A1CF: variants seen among roughly 807,000 people sequenced by gnomAD.
A1CF encodes the protein APOBEC-1 stimulating protein.
In A1CF, 48 loss-of-function variants were observed where a neutral mutation model predicts 68.9. The observed-to-expected ratio is 0.70, with a 90% CI of 0.55 to 0.89. The LOEUF (loss-of-function observed/expected upper bound fraction) is 0.89. Ranked by LOEUF, A1CF falls within the 40% of genes least tolerant of loss-of-function variation. The pLI is 0.00. For missense variants in A1CF, 653 were observed against 718.9 expected (o/e 0.91, Z 1.05); for synonymous variants, 272 against 260.4 (o/e 1.04, Z -0.43).
At chr10:50,841,101 C>G (rs1839753409) in intron 5 of A1CF, among the ~76,000 whole-genome samples, 1 of 152,198 alleles carries the variant, frequency 6.6e-6, no homozygotes, top group Admixed American at 6.5e-5. Context: ...ACATTCTCAA[C>G]CAAACAGCAG....
In A1CF at chr10:50,799,980, C is replaced by G. The variant is rs1459317160; in HGVS notation, c.*6749G>C. On this transcript the variant is annotated 3_prime_UTR_variant, in exon 13 of 13. Transcript: ENST00000373997. Reference sequence around the variant, plus strand: ...TAGATTTATCTGTAGTCTGTGTGCCCAAAGATATCTTAGGAATTATAAAGA... The same window carrying G: ...TAGATTTATCTGTAGTCTGTGTGCCGAAAGATATCTTAGGAATTATAAAGA... The G allele has an allele frequency of 6.6e-6, 1 of 151,528 alleles. No individual in the cohort carries two copies. Among genetic ancestry groups the G allele is most frequent in the Non-Finnish European group, 1.5e-5 (1 of 67,840 alleles). The allele number at this position is 151,528 out of a possible 1,614,324, so 9.4% of individuals were successfully genotyped here.
chr10:50,837,698 G>T (rs113104414), intron 5 of A1CF, among the ~76,000 whole-genome samples: 41 of 152,280 alleles, frequency 2.7e-4, no homozygotes, highest in Admixed American at 7.8e-4. Context: ...ATTCAAAAGT[G>T]CCTCCCCACC....
chr10:50,875,731 A>G (rs1841481848), intron 1 of A1CF, among the ~76,000 whole-genome samples: 1 of 152,156 alleles, frequency 6.6e-6, no homozygotes, highest in Admixed American at 6.5e-5. Flanking sequence ...ACTTACCCTG[A>G]GCTCAGCTAA....
At chr10:50,833,640 C>T (rs1839351589) in intron 6 of A1CF, among the ~76,000 whole-genome samples, 1 of 152,186 alleles carries the variant, frequency 6.6e-6, no homozygotes, top group Admixed American at 6.5e-5. Flanking sequence ...TCTCAACAGT[C>T]TCCTTGTTCT....
intron 1 of A1CF, among the ~76,000 whole-genome samples, chr10:50,882,511 A>G (rs1383458813): frequency 6.6e-6 from 1 of 152,136 alleles, no homozygotes; most frequent in Non-Finnish European, 1.5e-5. Context: ...ATGATGAACT[A>G]GCTTTCCTGG....
chr10:50,807,868 T>C lies in A1CF; in HGVS notation c.1610-988A>G, dbSNP rs376568407. Among the ~76,000 whole-genome samples the C allele has an allele frequency of 2.6e-5, 4 of 152,282 alleles. No individual in the cohort carries two copies. In the East Asian group the frequency reaches 7.7e-4, roughly 29 times the overall value. On this transcript the variant is annotated intron_variant, in intron 12 of 12. Coordinates refer to ENST00000373997, the MANE Select transcript of A1CF (RefSeq NM_014576.4). ...AGAAGCCTGCCCAACCCCAGACACA[T>C]TGATTTTTTTCTAGTGGCTTCTCAG...
chr10:50,824,797 C>T (rs965058839), intron 7 of A1CF, among the ~76,000 whole-genome samples: 4 of 152,140 alleles, frequency 2.6e-5, no homozygotes, highest in Admixed American at 2.6e-4. Context: ...GCTGTGTGAA[C>T]CTGGGCAAAC....
chr10:50,840,758 C>T (rs1488137674), intron 5 of A1CF, among the ~76,000 whole-genome samples: 2 of 152,314 alleles, frequency 1.3e-5, no homozygotes, highest in Admixed American at 6.5e-5. Context: ...GTCACCTTCT[C>T]AACACCTCCC....
At chr10:50,837,790 G>A (rs1056848347) in intron 5 of A1CF, among the ~76,000 whole-genome samples, 3 of 152,120 alleles carry the variant, frequency 2.0e-5, no homozygotes, top group Non-Finnish European at 4.4e-5. Flanking sequence ...TCATACCATT[G>A]CACGCTCTGC....
chr10:50,878,441 G>A (rs976116612), intron 1 of A1CF, among the ~76,000 whole-genome samples: 2 of 152,182 alleles, frequency 1.3e-5, no homozygotes, highest in African/African-American at 4.8e-5. Context: ...TACAGAAGAG[G>A]AAATAGTCAC....
chr10:50,821,121 C>A lies in A1CF; in HGVS notation c.770-472G>T, dbSNP rs141714312. ...TAAAAATTTAAATATTAGGTAACTA[C>A]AGTTCTGACAAGGGAACTGAGATTT... On this transcript the variant is annotated intron_variant, in intron 7 of 12. Transcript: ENST00000373997. Among the ~76,000 whole-genome samples the A allele has an allele frequency of 2.1e-3, 327 of 152,262 alleles. 2 individuals carry two copies. The highest frequency in any genetic ancestry group is 3.5e-3 in the Non-Finnish European group (236 of 68,006).
At chr10:50,830,533 C>A (rs1162564480) in intron 6 of A1CF, among the ~76,000 whole-genome samples, 1 of 151,942 alleles carries the variant, frequency 6.6e-6, no homozygotes, top group Non-Finnish European at 1.5e-5. Flanking sequence ...ATCATCCCCC[C>A]AAAAATACTT....
chr10:50,856,395 G>A (rs1409890442), intron 3 of A1CF, among the ~76,000 whole-genome samples: 1 of 152,032 alleles, frequency 6.6e-6, no homozygotes, highest in African/African-American at 2.4e-5. Context: ...AGAGGCCTTA[G>A]GTATAGATAA....
intron 2 of A1CF, among the ~76,000 whole-genome samples, chr10:50,860,594 AC>A (rs749474063): frequency 6.6e-6 from 1 of 152,218 alleles, no homozygotes; most frequent in Non-Finnish European, 1.5e-5. Flanking sequence ...GTTTGCTAAC[AC>A]CCAGATCACA....
At chr10:50,859,777 C>T in intron 3 of A1CF, 65 bp downstream of exon 3, 1 of 1,411,578 alleles carries the variant, frequency 7.1e-7, no homozygotes, top group Non-Finnish European at 9.9e-7. Flanking sequence ...CATCTTAGGA[C>T]CTCCAATATT....
intron 2 of A1CF, 35 bp from the exon 3 acceptor site, chr10:50,860,020 C>G: frequency 8.7e-7 from 1 of 1,143,596 alleles, no homozygotes; most frequent in South Asian, 1.3e-5. Context: ...AAGTAAATTA[C>G]TGTTGTCAAG....
At chr10:50,856,054 T>A (rs769072804) in intron 3 of A1CF, among the ~76,000 whole-genome samples, 1 of 151,786 alleles carries the variant, frequency 6.6e-6, no homozygotes, top group Non-Finnish European at 1.5e-5. Context: ...TTACAAAGAG[T>A]TTGAAGTTGT....
chr10:50,842,133 G>T (rs1225399237), intron 4 of A1CF, 141 bp from the exon 5 acceptor site: 7 of 685,492 alleles, frequency 1.0e-5, no homozygotes, highest in African/African-American at 1.8e-5. Context: ...TTTGGCATTT[G>T]CATCCCATGT....
intron 10 of A1CF, among the ~76,000 whole-genome samples, chr10:50,812,119 G>T (rs1442959958): frequency 1.3e-5 from 2 of 152,150 alleles, no homozygotes; most frequent in African/African-American, 2.4e-5. Context: ...TAATACTCTT[G>T]TTGTGTAGGA....
Sources: gnomAD v4.1 joint callset for allele counts (sites outside exome capture counted in the v4.1 genomes callset) on GRCh38, gnomAD v4.1.1 for gene constraint, MANE v1.5 for transcripts, NCBI Gene and HGNC (gene_info 2026-07-23, HGNC 2026-07-21) for gene names.